The following TTC28 variants were observed in gnomAD, a reference collection of about 807,000 sequenced individuals.
The protein encoded by TTC28 is tetratricopeptide repeat protein 28.
TTC28 carries 61 observed loss-of-function variants against 198.0 expected under a neutral mutation model. The ratio of observed to expected loss-of-function variants is 0.31; its 90% CI spans 0.25 to 0.38. TTC28 has a LOEUF of 0.38. TTC28 is among the 10% of genes least tolerant of loss of function. The pLI, the probability that TTC28 is intolerant of heterozygous loss-of-function variation, is 1.00. For synonymous variants in TTC28, 1,171 were observed against 1,297.8 expected, an observed-to-expected ratio of 0.90 and a Z score of 2.10; for missense variants, 2,678 against 3,164.0, an observed-to-expected ratio of 0.85 and a Z score of 3.69.
intron 2 of TTC28, among the ~76,000 whole-genome samples, chr22:28,568,256 G>A (rs1386741088): frequency 6.6e-6 from 1 of 152,114 alleles, no homozygotes; most frequent in Non-Finnish European, 1.5e-5. Flanking sequence ...GGAAGACATT[G>A]GATAACACTT....
rs1928176727 is a variant in TTC28, at chr22:28,224,945, C to T, written c.934-61346G>A. ...TAACTATCACTTAGAAATTCGGCAG[C>T]TTTCCCAATGTTAGTAAGAACCAGT... On this transcript the variant is annotated intron_variant, in intron 5 of 22. Coordinates refer to ENST00000397906, the MANE Select transcript of TTC28 (RefSeq NM_001145418.2). Among the ~76,000 whole-genome samples, 4 of 152,298 alleles carry T rather than the reference C, an allele frequency of 2.6e-5. No individual in the cohort carries two copies. In the South Asian group the frequency reaches 8.3e-4, roughly 32 times the overall value.
chr22:28,267,374 A>C (rs1243668473), intron 5 of TTC28, among the ~76,000 whole-genome samples: 1 of 152,176 alleles, frequency 6.6e-6, no homozygotes, highest in Non-Finnish European at 1.5e-5. Flanking sequence ...AAAGTTTATA[A>C]GCTGGTAAAT....
chr22:28,144,178 T>C (rs1001953739), intron 6 of TTC28, among the ~76,000 whole-genome samples: 2 of 152,208 alleles, frequency 1.3e-5, no homozygotes, highest in African/African-American at 4.8e-5. Flanking sequence ...TCCTAGAGAT[T>C]CTAGTCTTAA....
At chr22:28,283,847 T>C (rs1569238828) in intron 5 of TTC28, among the ~76,000 whole-genome samples, 1 of 152,172 alleles carries the variant, frequency 6.6e-6, no homozygotes, top group South Asian at 2.1e-4. Flanking sequence ...CTACATGTCG[T>C]TGGAAGTATC....
intron 5 of TTC28, among the ~76,000 whole-genome samples, chr22:28,292,014 T>G (rs2044796672): frequency 6.6e-6 from 1 of 151,776 alleles, no homozygotes; most frequent in Non-Finnish European, 1.5e-5. Flanking sequence ...ATATTAATAG[T>G]ATTTATAATT....
chr22:28,096,326 T>C lies in TTC28; in HGVS notation c.3630A>G (p.Gly1210=). Residue 1210 remains glycine, a synonymous_variant, in exon 11 of 23, where the codon GGA becomes GGG. Coordinates refer to ENST00000397906, the MANE Select transcript of TTC28 (RefSeq NM_001145418.2). The part of the protein sequence containing the change: ...FADLLVERQT[G]QQDSDPYSPV... ...GGGAGTAGGGGTCGGAGTCTTGTTG[T>C]CCTGTTTGTCGTTCCACCAGAAGAT... The C allele has an allele frequency of 1.3e-6, 2 of 1,552,044 alleles. No homozygotes were observed. Among genetic ancestry groups the C allele is most frequent in the Non-Finnish European group, 1.7e-6 (2 of 1,147,050 alleles).
intron 12 of TTC28, among the ~76,000 whole-genome samples, chr22:28,032,205 AATATATATATATAAAATATAT>A (rs1332522959): frequency 9.9e-6 from 1 of 100,832 alleles, no homozygotes; most frequent in East Asian, 2.5e-4. Flanking sequence ...ATATATATAA[AATATATATATATAAAATATAT>A]ATATATAAAA....
intron 5 of TTC28, among the ~76,000 whole-genome samples, chr22:28,291,209 A>T (rs1020944190): frequency 2.0e-5 from 3 of 151,000 alleles, no homozygotes; most frequent in Non-Finnish European, 3.0e-5. Flanking sequence ...CCTAGACATT[A>T]AAAAAAAAGA....
In TTC28 at chr22:27,999,151, G is replaced by A. The variant is rs373324465; in HGVS notation, c.4508C>T (p.Pro1503Leu). 23 of 1,550,512 alleles carry A rather than the reference G, an allele frequency of 1.5e-5. No homozygotes were observed. Among genetic ancestry groups the A allele is most frequent in the Non-Finnish European group, 1.8e-5 (21 of 1,147,004 alleles). The change falls in exon 16 of 23, where the codon CCC becomes CTC. Residue 1503 changes from proline (P) to leucine (L), a missense_variant. By Grantham distance (98) the Pro-to-Leu change is moderately conservative (BLOSUM62 -3). Coordinates refer to ENST00000397906, the MANE Select transcript of TTC28 (RefSeq NM_001145418.2). ...SAVMDRWLWG[P>L]MPSAEEEAYM... is the part of the protein sequence containing the mutation. ...GGCCTCTTCCTCGGCCGATGGCATG[G>A]GCCCCCACAGCCACCTGTCCATCAC...
At chr22:28,008,039 T>C (rs1357098627) in intron 14 of TTC28, 3 of 152,198 alleles carry the variant, frequency 2.0e-5, no homozygotes, top group Non-Finnish European at 4.4e-5. Flanking sequence ...CTCTACCTCA[T>C]ACTGGAATCT....
intron 5 of TTC28, among the ~76,000 whole-genome samples, chr22:28,276,012 A>AT (rs200369963): frequency 1.3e-5 from 2 of 150,940 alleles, no homozygotes; most frequent in Admixed American, 6.6e-5. Flanking sequence ...GTCACCAGTA[A>AT]TTTTTTTTTC....
intron 2 of TTC28, among the ~76,000 whole-genome samples, chr22:28,583,745 G>C (rs1348162035): frequency 6.6e-6 from 1 of 152,036 alleles, no homozygotes; most frequent in African/African-American, 2.4e-5. Context: ...ACTATAAGCT[G>C]AGCAGAAAAT....
chr22:28,220,045 G>A (rs1234400368), intron 5 of TTC28, among the ~76,000 whole-genome samples: 1 of 152,162 alleles, frequency 6.6e-6, no homozygotes, highest in Non-Finnish European at 1.5e-5. Context: ...CCCATCTGGT[G>A]TCCTTTATCT....
At chr22:28,148,000 G>A (rs1448159671) in intron 6 of TTC28, among the ~76,000 whole-genome samples, 17 of 152,192 alleles carry the variant, frequency 1.1e-4, no homozygotes, top group African/African-American at 4.1e-4. Flanking sequence ...TGATATCCTA[G>A]TGATTTTCTT....
At chr22:28,450,005 C>A (rs2047756852) in intron 2 of TTC28, among the ~76,000 whole-genome samples, 1 of 152,052 alleles carries the variant, frequency 6.6e-6, no homozygotes, top group African/African-American at 2.4e-5. Flanking sequence ...ATACTGAATT[C>A]TGTTTAAGAC....
At chr22:28,290,118 T>G (rs2044759834) in intron 5 of TTC28, among the ~76,000 whole-genome samples, 1 of 152,114 alleles carries the variant, frequency 6.6e-6, no homozygotes, top group Non-Finnish European at 1.5e-5. Flanking sequence ...CTTTGGAAAA[T>G]CCTAAAACTT....
intron 2 of TTC28, among the ~76,000 whole-genome samples, chr22:28,532,962 C>G (rs1484382032): frequency 3.9e-5 from 6 of 152,126 alleles, no homozygotes; most frequent in African/African-American, 1.4e-4. Context: ...ACTGAATGGG[C>G]AAAAACTGGA....
intron 2 of TTC28, among the ~76,000 whole-genome samples, chr22:28,441,261 A>C (rs2047617013): frequency 6.6e-6 from 1 of 152,228 alleles, no homozygotes; most frequent in African/African-American, 2.4e-5. Flanking sequence ...TTATGAATGT[A>C]GAGTTTGCAG....
chr22:28,270,269 T>C (rs1023409408), intron 5 of TTC28, among the ~76,000 whole-genome samples: 2 of 152,172 alleles, frequency 1.3e-5, no homozygotes, highest in South Asian at 2.1e-4. Context: ...AGCATTTGAA[T>C]CCTAAAACTG....
Sources: allele counts gnomAD v4.1 joint callset (sites outside exome capture counted in the v4.1 genomes callset), GRCh38; gene constraint gnomAD v4.1.1; transcripts MANE v1.5; gene names NCBI Gene and HGNC (gene_info 2026-07-23, HGNC 2026-07-21).